NOS1: variants seen among roughly 807,000 people sequenced by gnomAD.
The protein encoded by NOS1 is nitric oxide synthase 1, also known as NOS type I.
Under a neutral mutation model 164.5 loss-of-function variants are expected in NOS1, and 51 were observed. The observed-to-expected ratio is 0.31, with a 90% CI of 0.25 to 0.39. The LOEUF (loss-of-function observed/expected upper bound fraction) is 0.39, where lower values mean the gene tolerates loss of function less well. NOS1 is among the 10% of genes least tolerant of loss of function. The probability of loss-of-function intolerance (pLI) is 1.00; values close to 1 mark genes in which losing one functional copy is unlikely to be tolerated. For synonymous variants in NOS1, 719 were observed against 745.8 expected (o/e 0.96, Z 0.59); for missense variants, 1,362 against 1,885.6 (o/e 0.72, Z 5.14).
intron 2 of NOS1, among the ~76,000 whole-genome samples, chr12:117,312,071 C>T (rs932300724): frequency 1.3e-5 from 2 of 152,028 alleles, no homozygotes; most frequent in African/African-American, 4.8e-5. Context: ...CTGACCCTGG[C>T]TAAGACTTTC....
Position 117,219,860 on chromosome 12 carries a change from T to C in NOS1, c.4170+215A>G, listed in dbSNP as rs569945594. Among the ~76,000 whole-genome samples, 36 of 152,300 alleles carry C rather than the reference T, an allele frequency of 2.4e-4. No homozygotes were observed. In the East Asian group the frequency reaches 4.8e-3, roughly 20 times the overall value. On this transcript the variant is annotated intron_variant, in intron 27 of 28. Transcript: ENST00000317775. ...TATTTTCACACACAGCCTCCAGTCA[T>C]ATTTGCTACACCTGCCTGCATGCCC...
At chr12:117,292,453 G>A (rs974993466) in intron 3 of NOS1, among the ~76,000 whole-genome samples, 3 of 152,190 alleles carry the variant, frequency 2.0e-5, no homozygotes, top group South Asian at 2.1e-4. Context: ...GGCTGGTGAC[G>A]GTAGCTGTGA....
intron 19 of NOS1, 123 bp from the exon 20 acceptor site, chr12:117,242,828 A>G: frequency 1.2e-6 from 1 of 800,792 alleles, no homozygotes; most frequent in Non-Finnish European, 2.1e-6. Flanking sequence ...AGGTGGGAGG[A>G]TCACTTGAGG....
In NOS1 at chr12:117,265,407, A is replaced by C; in HGVS notation, c.2045T>G (p.Val682Gly). ...TCCGGACATGGGGGGCACGATCCAC[A>C]CCCAGTCGGCAGGGCAGCCCCCCCG... ...RCRGGCPADW[V>G]WIVPPMSGSI... Residue 682 changes from valine (V) to glycine (G), a missense_variant, in exon 12 of 29, where the codon GTG (valine) becomes GGG (glycine). Around this residue, in one of 4 missense-constraint regions of NOS1, gnomAD observed 737 missense variants for 1,030.3 expected, o/e 0.72. Transcript: ENST00000317775. The C allele has an allele frequency of 6.3e-7, 1 of 1,596,594 alleles. No homozygotes were observed. The highest frequency in any genetic ancestry group is 8.5e-7 in the Non-Finnish European group (1 of 1,171,870).
In NOS1 at chr12:117,280,859, T is replaced by C; in HGVS notation, c.1390A>G (p.Ile464Val). 6.2e-7 allele frequency: 1 copy of C among 1,613,952 alleles called. No individual in the cohort carries two copies. Among genetic ancestry groups the C allele is most frequent in the Non-Finnish European group, 8.5e-7 (1 of 1,179,922 alleles). The change falls in exon 8 of 29, where the codon ATC becomes GTC. Residue 464 changes from isoleucine (I) to valine (V), a missense_variant. Transcript: ENST00000317775. ...ATNKGNLRSA[I>V]TIFPQRTDGK... Reference sequence around the variant, plus strand: ...TCTGTCCTCTGGGGGAATATGGTGATGGCAGACCTGTGGTGGAGAGAGGGG... The same window carrying C: ...TCTGTCCTCTGGGGGAATATGGTGACGGCAGACCTGTGGTGGAGAGAGGGG...
chr12:117,324,342 T>A (rs1875133793), intron 2 of NOS1, among the ~76,000 whole-genome samples: 1 of 152,194 alleles, frequency 6.6e-6, no homozygotes, highest in Non-Finnish European at 1.5e-5. Flanking sequence ...CTGGTCCAGA[T>A]GGACACTGGA....
At chr12:117,333,921 C>T (rs1875673596) in intron 1 of NOS1, among the ~76,000 whole-genome samples, 1 of 152,130 alleles carries the variant, frequency 6.6e-6, no homozygotes, top group Non-Finnish European at 1.5e-5. Context: ...GCAGAGACAG[C>T]CGGGACCTCC....
intron 28 of NOS1, among the ~76,000 whole-genome samples, chr12:117,217,270 C>T (rs1298468903): frequency 2.0e-5 from 3 of 152,168 alleles, no homozygotes; most frequent in Non-Finnish European, 4.4e-5. Context: ...CTCCACCTAG[C>T]TCCAGGGGCG....
At chr12:117,220,884 A>G (rs1029461490) in intron 26 of NOS1, among the ~76,000 whole-genome samples, 2 of 151,498 alleles carry the variant, frequency 1.3e-5, no homozygotes, top group Non-Finnish European at 1.5e-5. Context: ...TGTCCAGGAA[A>G]CTCCCACTCT....
At chr12:117,265,894 C>T (rs1395228867) in intron 11 of NOS1, among the ~76,000 whole-genome samples, 1 of 151,766 alleles carries the variant, frequency 6.6e-6, no homozygotes, top group African/African-American at 2.4e-5. Context: ...GGGTTCACAC[C>T]ATTCTCCTGC....
At position 117,210,200 on chromosome 12, in the gene NOS1, C is replaced by T; in HGVS notation, c.*5109G>A. 1 of 703,908 alleles carries T rather than the reference C, an allele frequency of 1.4e-6. No homozygotes were observed. Among genetic ancestry groups the T allele is most frequent in the Non-Finnish European group, 1.7e-6 (1 of 575,854 alleles). The allele number at this position is 703,908 out of a possible 1,614,324, so 43.6% of individuals were successfully genotyped here. On this transcript the variant is annotated 3_prime_UTR_variant, in exon 29 of 29. Transcript: ENST00000317775. ...TGCGCTGTGTTGCCCAAGCTGGTCT[C>T]AAACTCCTGGCCCCAAGTGATCCTC...
chr12:117,339,375 A>G (rs530667386), intron 1 of NOS1, among the ~76,000 whole-genome samples: 1 of 152,338 alleles, frequency 6.6e-6, no homozygotes, highest in South Asian at 2.1e-4. Flanking sequence ...TGATTGTTTA[A>G]AATGTGACAC....
chr12:117,305,003 T>TG (rs1454932838), intron 3 of NOS1: 6 of 985,274 alleles, frequency 6.1e-6, no homozygotes, highest in Non-Finnish European at 6.0e-6. Flanking sequence ...GCCCAGTCCT[T>TG]GGCAGTTGCT....
intron 3 of NOS1, among the ~76,000 whole-genome samples, chr12:117,292,582 T>A (rs1055019044): frequency 1.3e-5 from 2 of 152,192 alleles, no homozygotes; most frequent in Non-Finnish European, 2.9e-5. Flanking sequence ...ACAACCTTAT[T>A]ATCTCCATTT....
At chr12:117,275,225 G>T (rs1367048452) in intron 9 of NOS1, among the ~76,000 whole-genome samples, 1 of 151,624 alleles carries the variant, frequency 6.6e-6, no homozygotes, top group Non-Finnish European at 1.5e-5. Context: ...TACCAGGTCT[G>T]GTGTGGATCA....
At chr12:117,221,591 GT>G (rs544290047) in intron 26 of NOS1, among the ~76,000 whole-genome samples, 10 of 150,092 alleles carry the variant, frequency 6.7e-5, no homozygotes, top group Non-Finnish European at 1.2e-4. Flanking sequence ...GCCTAAATTT[GT>G]TTTTTTTAAT....
At chr12:117,336,650 T>A (rs1875835597) in intron 1 of NOS1, among the ~76,000 whole-genome samples, 1 of 151,952 alleles carries the variant, frequency 6.6e-6, no homozygotes, top group African/African-American at 2.4e-5. Context: ...TAAAAAAATT[T>A]AAAAAACAAA....
chr12:117,326,490 C>A (rs1272448777), intron 2 of NOS1, among the ~76,000 whole-genome samples: 4 of 152,182 alleles, frequency 2.6e-5, no homozygotes, highest in Non-Finnish European at 5.9e-5. Context: ...GATTAAATAT[C>A]ACTCATCCTT....
chr12:117,244,559 A>C (rs1870468881), intron 18 of NOS1, among the ~76,000 whole-genome samples: 1 of 152,232 alleles, frequency 6.6e-6, no homozygotes, highest in Non-Finnish European at 1.5e-5. Flanking sequence ...TTTACTTTTT[A>C]AGATAAAACC....
Sources: allele counts gnomAD v4.1 joint callset (sites outside exome capture counted in the v4.1 genomes callset), GRCh38; gene constraint gnomAD v4.1.1; regional missense constraint gnomAD v4.1.1; transcripts MANE v1.5; gene names NCBI Gene and HGNC (gene_info 2026-07-23, HGNC 2026-07-21).